UNC13C: variants seen among roughly 807,000 people sequenced by gnomAD.
UNC13C encodes unc-13 homolog C, also known as protein unc-13 homolog C.
A neutral mutation model predicts 245.4 loss-of-function variants in UNC13C; 174 were observed. That is an observed-to-expected ratio of 0.71 (90% CI 0.63 to 0.80). UNC13C has a LOEUF of 0.80. Ranked by LOEUF, UNC13C falls within the 30% of genes least tolerant of loss-of-function variation. The pLI is 0.00. For synonymous variants in UNC13C, 992 were observed against 895.1 expected (o/e 1.11, Z -1.93); for missense variants, 2,829 against 2,602.9 (o/e 1.09, Z -1.89).
chr15:54,290,695 C>A (rs914856289), intron 10 of UNC13C, among the ~76,000 whole-genome samples: 9 of 152,030 alleles, frequency 5.9e-5, no homozygotes, highest in Non-Finnish European at 1.0e-4. Flanking sequence ...CATATTTAAC[C>A]ACTTAATACA....
At chr15:53,995,847 G>T (rs1231029467) in intron 1 of UNC13C, among the ~76,000 whole-genome samples, 3 of 152,166 alleles carry the variant, frequency 2.0e-5, no homozygotes, top group Admixed American at 6.6e-5. Context: ...GGCTGGAACT[G>T]GATGGTGAGA....
At chr15:54,400,353 A>T (rs1452421829) in intron 18 of UNC13C, among the ~76,000 whole-genome samples, 1 of 152,040 alleles carries the variant, frequency 6.6e-6, no homozygotes, top group East Asian at 1.9e-4. Context: ...CTTTCATACT[A>T]GTTAAGTCCC....
chr15:54,413,364 T>C (rs1262177943), intron 18 of UNC13C, among the ~76,000 whole-genome samples: 1 of 152,142 alleles, frequency 6.6e-6, no homozygotes, highest in Non-Finnish European at 1.5e-5. Context: ...AAGCATAAAG[T>C]ACTCTTATTA....
intron 18 of UNC13C, among the ~76,000 whole-genome samples, chr15:54,399,961 A>G (rs1320104648): frequency 6.6e-6 from 1 of 152,002 alleles, no homozygotes; most frequent in Non-Finnish European, 1.5e-5. Flanking sequence ...TTATCCTACT[A>G]TAAAGTACAG....
At chr15:54,550,291 A>G (rs1437406274) in intron 28 of UNC13C, among the ~76,000 whole-genome samples, 2 of 152,158 alleles carry the variant, frequency 1.3e-5, no homozygotes, top group Admixed American at 1.3e-4. Flanking sequence ...CTACTATGTG[A>G]CATGGGCCAA....
intron 4 of UNC13C, among the ~76,000 whole-genome samples, chr15:54,146,932 G>A (rs1248229651): frequency 6.6e-6 from 1 of 152,138 alleles, no homozygotes; most frequent in Non-Finnish European, 1.5e-5. Flanking sequence ...CTATAATGAG[G>A]CTAAAAGAAA....
chr15:54,586,452 G>A (rs72740022), intron 30 of UNC13C, among the ~76,000 whole-genome samples: 3,673 of 152,166 alleles, frequency 0.024, 75 homozygotes, highest in Middle Eastern at 0.051. Flanking sequence ...CCTTTTCCCC[G>A]TGCACAGGGA....
intron 2 of UNC13C, among the ~76,000 whole-genome samples, chr15:54,042,664 T>C (rs1027370323): frequency 2.0e-5 from 3 of 152,064 alleles, no homozygotes; most frequent in Non-Finnish European, 2.9e-5. Flanking sequence ...CCATCCTGGC[T>C]AACAGGGTGA....
chr15:53,957,290 C>T, the UNC13C span, among the ~76,000 whole-genome samples: 1 of 152,028 alleles, frequency 6.6e-6, no homozygotes, highest in African/African-American at 2.4e-5. Context: ...TACAGGTGTG[C>T]ACCACTACGC....
At chr15:54,577,282 A>C (rs1379216898) in intron 30 of UNC13C, among the ~76,000 whole-genome samples, 1 of 152,208 alleles carries the variant, frequency 6.6e-6, no homozygotes, top group Non-Finnish European at 1.5e-5. Flanking sequence ...CCAGGAAAAA[A>C]TGAAGTATGC....
intron 14 of UNC13C, among the ~76,000 whole-genome samples, chr15:54,327,803 T>C (rs1038160562): frequency 5.9e-5 from 9 of 152,034 alleles, no homozygotes; most frequent in Non-Finnish European, 1.3e-4. Flanking sequence ...GAAGTTAGGG[T>C]CCTATCTTCC....
chr15:54,465,861 T>G (rs72736521), intron 19 of UNC13C, among the ~76,000 whole-genome samples: 60 of 152,178 alleles, frequency 3.9e-4, no homozygotes, highest in Non-Finnish European at 7.8e-4. Context: ...TAAGTTATTT[T>G]CCGCTAAAGC....
At chr15:54,366,777 C>A (rs150153340) in intron 17 of UNC13C, among the ~76,000 whole-genome samples, 1 of 152,026 alleles carries the variant, frequency 6.6e-6, no homozygotes, top group Non-Finnish European at 1.5e-5. Flanking sequence ...GTTAATGCAG[C>A]GTTTTTCTTC....
chr15:54,017,311 T>A (rs1385368256), intron 2 of UNC13C, among the ~76,000 whole-genome samples: 2 of 152,208 alleles, frequency 1.3e-5, no homozygotes, highest in Non-Finnish European at 2.9e-5. Flanking sequence ...ATGTAATGCA[T>A]ATGGTAATAA....
chr15:54,545,861 A>C (rs28869904), intron 26 of UNC13C, among the ~76,000 whole-genome samples: 37,918 of 152,026 alleles, frequency 0.25, 9,691 homozygotes, highest in African/African-American at 0.66. Context: ...AACACTTTTA[A>C]ACTGTTGGTG....
chr15:54,102,695 G>A (rs900852058), intron 2 of UNC13C, among the ~76,000 whole-genome samples: 3 of 152,204 alleles, frequency 2.0e-5, no homozygotes, highest in Admixed American at 6.5e-5. Flanking sequence ...ATGTGTCTGA[G>A]TGTTCATTCT....
intron 4 of UNC13C, among the ~76,000 whole-genome samples, chr15:54,203,830 A>ATATACACATACG (rs1325224132): frequency 6.8e-5 from 2 of 29,288 alleles, no homozygotes; most frequent in African/African-American, 1.8e-4. Context: ...ACGTGTATGT[A>ATATACACATACG]TATACACATA....
chr15:54,076,065 T>TTTA (rs1898599123), intron 2 of UNC13C, among the ~76,000 whole-genome samples: 1 of 135,932 alleles, frequency 7.4e-6, no homozygotes, highest in African/African-American at 3.4e-5. Flanking sequence ...CTTAGATTCT[T>TTTA]TTTTTTTTTT....
At chr15:54,531,081 T>A (rs1034817042) in intron 25 of UNC13C, among the ~76,000 whole-genome samples, 7 of 152,116 alleles carry the variant, frequency 4.6e-5, no homozygotes, top group African/African-American at 1.7e-4. Flanking sequence ...ATCCTCAGAT[T>A]TAGGATACAT....
Sources: allele counts gnomAD v4.1 joint callset (sites outside exome capture counted in the v4.1 genomes callset), GRCh38; gene constraint gnomAD v4.1.1; transcripts MANE v1.5; gene names NCBI Gene and HGNC (gene_info 2026-07-23, HGNC 2026-07-21).